The following SPRED1 variants were observed in gnomAD, a reference collection of about 807,000 sequenced individuals.
SPRED1 encodes the protein sprouty related EVH1 domain containing 1.
A neutral mutation model predicts 52.3 loss-of-function variants in SPRED1; 18 were observed. The observed-to-expected ratio is 0.34, with a 90% CI of 0.24 to 0.51. The LOEUF is 0.51. Ranked by LOEUF, SPRED1 falls within the 20% of genes least tolerant of loss-of-function variation. SPRED1 has a pLI of 0.97. For synonymous variants in SPRED1, 155 were observed against 179.7 expected, an observed-to-expected ratio of 0.86 and a Z score of 1.10; for missense variants, 485 against 551.0, an observed-to-expected ratio of 0.88 and a Z score of 1.20.
intron 5 of SPRED1, among the ~76,000 whole-genome samples, chr15:38,346,254 C>T (rs1182419022): frequency 1.3e-5 from 2 of 151,548 alleles, no homozygotes; most frequent in East Asian, 3.9e-4. Flanking sequence ...GAGGTCCAGG[C>T]CACAGTGAGC....
At chr15:38,295,030 C>T (rs1895004750) in intron 1 of SPRED1, among the ~76,000 whole-genome samples, 1 of 152,192 alleles carries the variant, frequency 6.6e-6, no homozygotes, top group Non-Finnish European at 1.5e-5. Context: ...CATTTCCTTG[C>T]ACATTAGATA....
intron 2 of SPRED1, among the ~76,000 whole-genome samples, chr15:38,310,848 T>C (rs1566863516): frequency 6.6e-6 from 1 of 152,310 alleles, no homozygotes; most frequent in East Asian, 1.9e-4. Context: ...TTTAATTCTT[T>C]ATTTAAATTC....
intron 4 of SPRED1, among the ~76,000 whole-genome samples, chr15:38,326,888 A>C (rs748434458): frequency 3.3e-5 from 5 of 152,332 alleles, no homozygotes; most frequent in Non-Finnish European, 5.9e-5. Context: ...ATGAAAAATT[A>C]TTCCCAGGTC....
Position 38,288,635 on chromosome 15 carries a change from T to C in SPRED1, c.33-10738T>C, listed in dbSNP as rs564865868. Among the ~76,000 whole-genome samples the C allele has an allele frequency of 5.3e-5, 8 of 152,264 alleles. No individual in the cohort carries two copies. The East Asian group carries it at 1.5e-3, about 29-fold the overall frequency. ...GCCCCACGGTAGAAGAGAACTATTATACTTAAGGAGTACAAAAATACTATC... is the reference window on the plus strand; with the variant it reads ...GCCCCACGGTAGAAGAGAACTATTACACTTAAGGAGTACAAAAATACTATC... On this transcript the variant is annotated intron_variant, in intron 1 of 6. Coordinates refer to ENST00000299084, the MANE Select transcript of SPRED1 (RefSeq NM_152594.3).
chr15:38,330,524 G>C lies in SPRED1; in HGVS notation c.423+5715G>C, dbSNP rs192661508. Among the ~76,000 whole-genome samples the C allele has an allele frequency of 9.2e-5, 14 of 152,148 alleles. No individual in the cohort carries two copies. In the East Asian group the frequency reaches 2.7e-3, roughly 29 times the overall value. ...ACCACATGTTAATAATGGTTTTGTT[G>C]GGCTTGTGGAATTAGAGTAATTTTT... On this transcript the variant is annotated intron_variant, in intron 4 of 6. Transcript: ENST00000299084.
intron 5 of SPRED1, among the ~76,000 whole-genome samples, chr15:38,348,712 A>G (rs927891820): frequency 6.6e-6 from 1 of 152,132 alleles, no homozygotes; most frequent in African/African-American, 2.4e-5. Flanking sequence ...AAGTGAAGCT[A>G]GATAATAGAC....
Position 38,354,697 on chromosome 15 carries a change from AAAGATTTT to A in SPRED1, c.*3037_*3044del, listed in dbSNP as rs1353793178. On this transcript the variant is annotated 3_prime_UTR_variant, in exon 7 of 7. Coordinates refer to ENST00000299084, the MANE Select transcript of SPRED1 (RefSeq NM_152594.3). ...CCTAATGTGTCTTGTTGGCTTGCTG[AAAGATTTT>A]AAGCACTTTTTTCTTACATATCCTG... The A allele has an allele frequency of 6.6e-6, 1 of 151,800 alleles. No individual in the cohort carries two copies. The highest frequency in any genetic ancestry group is 2.4e-5 in the African/African-American group (1 of 41,062). The allele number at this position is 151,800 out of a possible 1,614,324, so 9.4% of individuals were successfully genotyped here. A position where few individuals can be genotyped will look rare whatever the true frequency, so the allele number is the denominator to read the frequency against.
intron 1 of SPRED1, among the ~76,000 whole-genome samples, chr15:38,288,473 G>A (rs967361877): frequency 6.6e-6 from 1 of 152,130 alleles, no homozygotes; most frequent in African/African-American, 2.4e-5. Flanking sequence ...GATAAAACCA[G>A]AAAAAGAAAT....
At chr15:38,276,217 T>G (rs1348458886) in intron 1 of SPRED1, among the ~76,000 whole-genome samples, 7 of 151,880 alleles carry the variant, frequency 4.6e-5, no homozygotes, top group African/African-American at 9.7e-5. Context: ...AATGTTTTTT[T>G]TTTTTTTTTT....
At chr15:38,316,108 A>T (rs1895474628) in intron 2 of SPRED1, among the ~76,000 whole-genome samples, 1 of 151,916 alleles carries the variant, frequency 6.6e-6, no homozygotes, top group Non-Finnish European at 1.5e-5. Flanking sequence ...TAGCTTAATC[A>T]TTTTATTTTG....
chr15:38,253,846 G>C (rs1894036077), intron 1 of SPRED1, among the ~76,000 whole-genome samples: 1 of 152,142 alleles, frequency 6.6e-6, no homozygotes, highest in Non-Finnish European at 1.5e-5. Context: ...GTGAATATTG[G>C]ACGTGTCTTC....
intron 1 of SPRED1, among the ~76,000 whole-genome samples, chr15:38,259,531 C>T (rs1483927642): frequency 6.6e-6 from 1 of 152,178 alleles, no homozygotes; most frequent in African/African-American, 2.4e-5. Context: ...CTGGCATGAG[C>T]CACCATGCAC....
Position 38,353,937 on chromosome 15 carries a change from G to A in SPRED1, c.*2273G>A, listed in dbSNP as rs1431267836. 6.6e-6 allele frequency: 1 copy of A among 152,496 alleles called. No individual in the cohort carries two copies. The highest frequency in any genetic ancestry group is 1.9e-4 in the East Asian group (1 of 5,202). 9.4% of individuals were successfully genotyped at this position (152,496 alleles called of 1,614,324 possible). On this transcript the variant is annotated 3_prime_UTR_variant, in exon 7 of 7. Transcript: ENST00000299084. ...TATGCTTTAATATTTTAATGTTTGTGCATTAATATTTTCAATTTGTTTAAC... is the reference window on the plus strand; with the variant it reads ...TATGCTTTAATATTTTAATGTTTGTACATTAATATTTTCAATTTGTTTAAC...
intron 5 of SPRED1, 123 bp from the exon 6 acceptor site, chr15:38,349,299 T>C: frequency 1.4e-6 from 1 of 698,528 alleles, no homozygotes; most frequent in South Asian, 1.6e-5. Context: ...CTATTTTTAT[T>C]CTCAAAACCG....
At chr15:38,333,265 G>T (rs1484527346) in intron 4 of SPRED1, among the ~76,000 whole-genome samples, 1 of 152,144 alleles carries the variant, frequency 6.6e-6, no homozygotes, top group East Asian at 1.9e-4. Flanking sequence ...TGTAGCTGAG[G>T]TTAAGCATAA....
chr15:38,271,102 A>G (rs953582483), intron 1 of SPRED1, among the ~76,000 whole-genome samples: 4 of 152,172 alleles, frequency 2.6e-5, no homozygotes, highest in African/African-American at 7.2e-5. Flanking sequence ...TTGAGCGACA[A>G]AGTCATTAGA....
At chr15:38,305,397 CAATA>C (rs1339805906) in intron 2 of SPRED1, among the ~76,000 whole-genome samples, 1 of 146,434 alleles carries the variant, frequency 6.8e-6, no homozygotes, top group Non-Finnish European at 1.5e-5. Flanking sequence ...TTCATTCATG[CAATA>C]AATATTGTTG....
chr15:38,318,896 T>C (rs1020972472), intron 2 of SPRED1, among the ~76,000 whole-genome samples: 4 of 152,204 alleles, frequency 2.6e-5, no homozygotes, highest in Admixed American at 6.5e-5. Flanking sequence ...TTGTGAATAG[T>C]GCTTGAACTT....
At chr15:38,341,600 T>C (rs576959120) in intron 5 of SPRED1, among the ~76,000 whole-genome samples, 6 of 152,280 alleles carry the variant, frequency 3.9e-5, no homozygotes, top group African/African-American at 1.4e-4. Context: ...ACACCTATCA[T>C]TGGCAAAATG....
Sources: allele counts gnomAD v4.1 joint callset (sites outside exome capture counted in the v4.1 genomes callset), GRCh38; gene constraint gnomAD v4.1.1; transcripts MANE v1.5; gene names NCBI Gene and HGNC (gene_info 2026-07-23, HGNC 2026-07-21).